PELI2: variants seen among roughly 807,000 people sequenced by gnomAD.
PELI2 encodes pellino E3 ubiquitin protein ligase family member 2.
In PELI2, 23 loss-of-function variants were observed where a neutral mutation model predicts 42.3. The observed-to-expected ratio is 0.54, with a 90% CI of 0.39 to 0.77. The LOEUF is 0.77. PELI2 is among the 30% of genes least tolerant of loss of function. PELI2 has a pLI of 0.00. For missense variants in PELI2, 463 were observed against 553.2 expected, an observed-to-expected ratio of 0.84 and a Z score of 1.64; for synonymous variants, 245 against 212.2, an observed-to-expected ratio of 1.15 and a Z score of -1.34.
intron 2 of PELI2, among the ~76,000 whole-genome samples, chr14:56,227,767 C>T (rs1887411931): frequency 6.6e-6 from 1 of 152,120 alleles, no homozygotes; most frequent in Non-Finnish European, 1.5e-5. Flanking sequence ...ATTCCAGGGT[C>T]TGGGGAGGGA....
intron 2 of PELI2, among the ~76,000 whole-genome samples, chr14:56,207,589 T>A (rs1185763954): frequency 6.6e-6 from 1 of 152,186 alleles, no homozygotes; most frequent in Non-Finnish European, 1.5e-5. Context: ...TTACATAGTG[T>A]GGATAAAGCA....
chr14:56,166,320 A>C (rs1220042206), intron 1 of PELI2, among the ~76,000 whole-genome samples: 1 of 152,126 alleles, frequency 6.6e-6, no homozygotes, highest in Non-Finnish European at 1.5e-5. Context: ...TTTATGTCTT[A>C]TTGTACTGAC....
At chr14:56,168,937 C>A (rs974493057) in intron 1 of PELI2, among the ~76,000 whole-genome samples, 1 of 152,018 alleles carries the variant, frequency 6.6e-6, no homozygotes, top group Non-Finnish European at 1.5e-5. Context: ...CAGTGGGTTC[C>A]CTTCTTGCCC....
rs927685995 is a variant in PELI2 at position 56,197,606 on chromosome 14, G to C, written c.207+19142G>C. Among the ~76,000 whole-genome samples, 1 of 152,162 alleles carries C rather than the reference G, an allele frequency of 6.6e-6. No individual in the cohort carries two copies. Among genetic ancestry groups the C allele is most frequent in the Non-Finnish European group, 1.5e-5 (1 of 68,036 alleles). On this transcript the variant is annotated intron_variant, in intron 2 of 5. Coordinates refer to ENST00000267460, the MANE Select transcript of PELI2 (RefSeq NM_021255.3). The surrounding 1 kb of genome is among the most constrained non-coding windows in gnomAD (Gnocchi z 4.9). ...CAGAAATGAAGTGGCTTAGACTAGT[G>C]TAATGGTTAATTGTATGTGTTAACT...
chr14:56,282,325 G>A (rs955352786), intron 3 of PELI2, among the ~76,000 whole-genome samples: 4 of 151,308 alleles, frequency 2.6e-5, no homozygotes, highest in African/African-American at 7.3e-5. Context: ...GAGTCATATT[G>A]GTAATATATA....
intron 2 of PELI2, among the ~76,000 whole-genome samples, chr14:56,249,783 G>A (rs906159853): frequency 6.6e-6 from 1 of 152,222 alleles, no homozygotes; most frequent in Admixed American, 6.5e-5. Flanking sequence ...ACTGACACCA[G>A]GAGTGTGTCT....
At chr14:56,164,986 C>A (rs1043367973) in intron 1 of PELI2, among the ~76,000 whole-genome samples, 4 of 149,956 alleles carry the variant, frequency 2.7e-5, no homozygotes, top group Non-Finnish European at 4.4e-5. Context: ...TTTCAAAAAA[C>A]CAACTTTTTG....
rs551150729 is a variant in PELI2, at chr14:56,226,317, T to C, written c.207+47853T>C. Among the ~76,000 whole-genome samples the C allele has an allele frequency of 2.0e-5, 3 of 152,292 alleles. No individual in the cohort carries two copies. In the South Asian group the frequency reaches 6.2e-4, roughly 32 times the overall value. On this transcript the variant is annotated intron_variant, in intron 2 of 5. Transcript: ENST00000267460. ...TGCTTTTCACCCCTGCCCACCTCAC[T>C]GATGATCAGCCTCACTGGCCAGCCC...
At chr14:56,234,223 C>A in intron 2 of PELI2, among the ~76,000 whole-genome samples, 1 of 152,282 alleles carries the variant, frequency 6.6e-6, no homozygotes, top group Middle Eastern at 3.4e-3. Context: ...ACTAGAAATA[C>A]CATTTGACCC....
intron 3 of PELI2, among the ~76,000 whole-genome samples, chr14:56,280,871 T>C (rs1889460958): frequency 6.6e-6 from 1 of 152,104 alleles, no homozygotes; most frequent in East Asian, 1.9e-4. Flanking sequence ...TAATCACTTT[T>C]CCCATGCTTT....
chr14:56,137,520 C>G (rs1015056663), intron 1 of PELI2, among the ~76,000 whole-genome samples: 2 of 152,116 alleles, frequency 1.3e-5, no homozygotes, highest in Non-Finnish European at 2.9e-5. Flanking sequence ...ATTTGAATGT[C>G]TTAAGTTTGA....
At chr14:56,269,129 G>T (rs1699100058) in intron 2 of PELI2, among the ~76,000 whole-genome samples, 1 of 152,048 alleles carries the variant, frequency 6.6e-6, no homozygotes, top group Non-Finnish European at 1.5e-5. Flanking sequence ...AAAGATGTGG[G>T]ACAAATAAAG....
chr14:56,185,819 T>G (rs1304376518), intron 2 of PELI2, among the ~76,000 whole-genome samples: 1 of 152,176 alleles, frequency 6.6e-6, no homozygotes, highest in Non-Finnish European at 1.5e-5. Context: ...AATTGCTGCT[T>G]TGCTGTGTGG....
chr14:56,294,382 C>T (rs1038843855), intron 5 of PELI2, among the ~76,000 whole-genome samples: 2 of 152,164 alleles, frequency 1.3e-5, no homozygotes, highest in Non-Finnish European at 2.9e-5. Flanking sequence ...TGCAGCTCAT[C>T]GCAGGACAGT....
At chr14:56,144,943 A>C in intron 1 of PELI2, 3 of 981,252 alleles carry the variant, frequency 3.1e-6, no homozygotes, top group Non-Finnish European at 3.6e-6. Context: ...TGTTTCCATT[A>C]CAGGAGAAGA....
At chr14:56,277,118 T>C (rs1050962057) in intron 2 of PELI2, among the ~76,000 whole-genome samples, 23 of 152,288 alleles carry the variant, frequency 1.5e-4, no homozygotes, top group African/African-American at 5.5e-4. Flanking sequence ...TTTTCTAAAG[T>C]GGCGAGGAAG....
At chr14:56,231,289 A>G (rs1184482719) in intron 2 of PELI2, among the ~76,000 whole-genome samples, 1 of 152,230 alleles carries the variant, frequency 6.6e-6, no homozygotes, top group African/African-American at 2.4e-5. Flanking sequence ...CTCCACCCCA[A>G]TTCAACAGAA....
intron 2 of PELI2, among the ~76,000 whole-genome samples, chr14:56,199,877 A>G (rs1324025490): frequency 6.6e-6 from 1 of 152,236 alleles, no homozygotes; most frequent in Non-Finnish European, 1.5e-5. Context: ...GGTGGTGCTC[A>G]ATAAATCTTT....
intron 3 of PELI2, among the ~76,000 whole-genome samples, chr14:56,284,631 G>A (rs1473129371): frequency 6.8e-6 from 1 of 146,888 alleles, no homozygotes; most frequent in Non-Finnish European, 1.5e-5. Context: ...AAGTTAAGAG[G>A]AAAATATTAA....
Sources: gnomAD v4.1 joint callset for allele counts (sites outside exome capture counted in the v4.1 genomes callset) on GRCh38, gnomAD v4.1.1 for gene constraint, Gnocchi (gnomAD v3.1) non-coding constraint, MANE v1.5 for transcripts, NCBI Gene and HGNC (gene_info 2026-07-23, HGNC 2026-07-21) for gene names.